Variants in PRKG1 observed in about 807,000 individuals in gnomAD.
PRKG1 encodes the protein protein kinase cGMP-dependent 1, also known as cGMP-dependent protein kinase 1.
A neutral mutation model predicts 88.1 loss-of-function variants in PRKG1; 35 were observed. The observed-to-expected ratio is 0.40, with a 90% CI of 0.30 to 0.53. PRKG1 has a LOEUF of 0.53. PRKG1 is among the 20% of genes least tolerant of loss of function. PRKG1 has a pLI of 0.59. For missense variants in PRKG1, 540 were observed against 839.8 expected (o/e 0.64, Z 4.41); for synonymous variants, 303 against 292.5 (o/e 1.04, Z -0.37).
intron 5 of PRKG1, among the ~76,000 whole-genome samples, chr10:51,976,651 T>A (rs552684485): frequency 2.7e-4 from 41 of 152,102 alleles, no homozygotes; most frequent in African/African-American, 8.7e-4. Flanking sequence ...TGTTTTCTTT[T>A]AGGTTGGATA....
chr10:51,093,540 A>C (rs1469488909), intron 1 of PRKG1, among the ~76,000 whole-genome samples: 1 of 151,552 alleles, frequency 6.6e-6, no homozygotes, highest in Non-Finnish European at 1.5e-5. Flanking sequence ...GCTTTGTTTT[A>C]TGGTATACTA....
chr10:51,200,467 A>G (rs2132054953), intron 2 of PRKG1, among the ~76,000 whole-genome samples: 1 of 152,356 alleles, frequency 6.6e-6, no homozygotes, highest in African/African-American at 2.4e-5. Context: ...GAGACATAGA[A>G]AATGATTTTG....
chr10:52,158,259 T>G (rs1838180820), intron 8 of PRKG1, among the ~76,000 whole-genome samples: 1 of 151,712 alleles, frequency 6.6e-6, no homozygotes, highest in East Asian at 1.9e-4. Flanking sequence ...CTTATTCAGT[T>G]GCTGGAGTTT....
chr10:51,856,966 T>TA (rs748890081), intron 4 of PRKG1, among the ~76,000 whole-genome samples: 31,277 of 94,612 alleles, frequency 0.33, 4,557 homozygotes, highest in South Asian at 0.44. Context: ...TCCGTCTTAC[T>TA]AAAAAAAAGA....
At chr10:51,016,692 T>TTTTTTTTTTTTTTTTTTTTTTTTTTTC (rs1554830040) in intron 1 of PRKG1, among the ~76,000 whole-genome samples, 1 of 133,244 alleles carries the variant, frequency 7.5e-6, no homozygotes, top group African/African-American at 2.9e-5. Flanking sequence ...TTTTTTTTTT[T>TTTTTTTTTTTTTTTTTTTTTTTTTTTC]GGAATCTTGC....
Position 51,148,987 on chromosome 10 carries a change from C to A in PRKG1, c.312-4177C>A, listed in dbSNP as rs948104911. Among the ~76,000 whole-genome samples the A allele has an allele frequency of 1.1e-4, 16 of 152,072 alleles. 1 individual carries two copies. Among genetic ancestry groups the A allele is most frequent in the Admixed American group, 1.1e-3 (16 of 15,238 alleles). ...CCTATGAAACCCATCCCCTGCCTAC[C>A]TCAGTGATCTTATTCTCCCATCCCA... On this transcript the variant is annotated intron_variant, in intron 1 of 17. Transcript: ENST00000373980.
At chr10:51,335,616 C>T (rs899783868) in intron 2 of PRKG1, among the ~76,000 whole-genome samples, 5 of 152,106 alleles carry the variant, frequency 3.3e-5, no homozygotes, top group East Asian at 1.9e-4. Flanking sequence ...ACTGCAAACT[C>T]GGCCTCCAAG....
At chr10:51,932,433 A>T (rs1228636756) in intron 5 of PRKG1, among the ~76,000 whole-genome samples, 3 of 152,112 alleles carry the variant, frequency 2.0e-5, no homozygotes, top group South Asian at 4.1e-4. Context: ...GAATCTTTGG[A>T]CAACTCTATG....
At chr10:51,453,733 G>T (rs930123350) in intron 2 of PRKG1, among the ~76,000 whole-genome samples, 1 of 151,826 alleles carries the variant, frequency 6.6e-6, no homozygotes, top group African/African-American at 2.4e-5. Context: ...CTATCCTATG[G>T]TCCATCTTGG....
At chr10:51,819,932 G>A (rs1236202140) in intron 4 of PRKG1, among the ~76,000 whole-genome samples, 2 of 152,138 alleles carry the variant, frequency 1.3e-5, no homozygotes, top group African/African-American at 4.8e-5. Flanking sequence ...AGAATGAAAA[G>A]CTTCATCATC....
intron 4 of PRKG1, 64 bp downstream of exon 4, chr10:51,804,754 G>T: frequency 4.4e-6 from 5 of 1,145,930 alleles, no homozygotes; most frequent in Non-Finnish European, 2.6e-6. Context: ...TATCTGAAAT[G>T]CAGCACCCTG....
At chr10:51,473,248 A>G (rs567180034) in intron 3 of PRKG1, among the ~76,000 whole-genome samples, 8 of 152,096 alleles carry the variant, frequency 5.3e-5, no homozygotes, top group Admixed American at 2.0e-4. Context: ...GGTATCAATG[A>G]TGCTACATAA....
chr10:52,154,406 G>A (rs1372865656), intron 8 of PRKG1, among the ~76,000 whole-genome samples: 1 of 152,130 alleles, frequency 6.6e-6, no homozygotes, highest in Non-Finnish European at 1.5e-5. Flanking sequence ...CTAAACTTCT[G>A]TGCTTATGTC....
intron 4 of PRKG1, among the ~76,000 whole-genome samples, chr10:51,861,791 T>C (rs1164446153): frequency 6.6e-6 from 1 of 152,260 alleles, no homozygotes; most frequent in Non-Finnish European, 1.5e-5. Flanking sequence ...GTTGTCATCC[T>C]GACACAGGAT....
intron 3 of PRKG1, among the ~76,000 whole-genome samples, chr10:51,533,958 G>T (rs912781295): frequency 1.3e-5 from 2 of 152,150 alleles, no homozygotes; most frequent in African/African-American, 4.8e-5. Flanking sequence ...GAAATGATTT[G>T]TCCAAAGTCA....
At chr10:51,861,839 G>A (rs1270506236) in intron 4 of PRKG1, among the ~76,000 whole-genome samples, 1 of 152,184 alleles carries the variant, frequency 6.6e-6, no homozygotes, top group Non-Finnish European at 1.5e-5. Flanking sequence ...AACCTTCATG[G>A]CAGGTGGTGC....
intron 2 of PRKG1, among the ~76,000 whole-genome samples, chr10:51,461,668 G>A (rs1839748774): frequency 6.6e-6 from 1 of 152,130 alleles, no homozygotes; most frequent in Non-Finnish European, 1.5e-5. Context: ...AACTGATAAG[G>A]CAAGGACACA....
intron 2 of PRKG1, among the ~76,000 whole-genome samples, chr10:51,233,802 T>C (rs2132113137): frequency 6.6e-6 from 1 of 152,310 alleles, no homozygotes; most frequent in African/African-American, 2.4e-5. Context: ...AAACATTTTC[T>C]TGATGTTAGT....
chr10:51,370,835 C>G (rs1842690955), intron 2 of PRKG1, among the ~76,000 whole-genome samples: 1 of 151,576 alleles, frequency 6.6e-6, no homozygotes, highest in African/African-American at 2.4e-5. Flanking sequence ...CAATTTATGC[C>G]CAAAGCCCAT....
Sources: gnomAD v4.1 joint callset for allele counts (sites outside exome capture counted in the v4.1 genomes callset) on GRCh38, gnomAD v4.1.1 for gene constraint, MANE v1.5 for transcripts, NCBI Gene and HGNC (gene_info 2026-07-23, HGNC 2026-07-21) for gene names.